ASTN1: variants seen among roughly 807,000 people sequenced by gnomAD.
ASTN1 encodes the protein astrotactin 1.
In ASTN1, 41 loss-of-function variants were observed where a neutral mutation model predicts 140.7. The observed-to-expected ratio is 0.29, with a 90% CI of 0.23 to 0.38. The LOEUF is 0.38. ASTN1 is among the 10% of genes least tolerant of loss of function. ASTN1 has a pLI of 1.00. For synonymous variants in ASTN1, 640 were observed against 652.2 expected, an observed-to-expected ratio of 0.98 and a Z score of 0.29; for missense variants, 1,479 against 1,678.8, an observed-to-expected ratio of 0.88 and a Z score of 2.08.
intron 8 of ASTN1, among the ~76,000 whole-genome samples, chr1:176,999,209 T>C (rs1674601677): frequency 6.6e-6 from 1 of 152,130 alleles, no homozygotes; most frequent in Non-Finnish European, 1.5e-5. Flanking sequence ...TCTCAACAGC[T>C]TTGCCTTCTC....
At position 177,032,421 on chromosome 1, in the gene ASTN1, G is replaced by A. The variant is rs774960290; in HGVS notation, c.865+35C>T. On this transcript the variant is annotated intron_variant, in intron 3 of 22. Transcript: ENST00000361833. The stretch of plus-strand genomic sequence containing the variant: ...CACTCCCCAGCTCCTTGAGATGAAG[G>A]ACCAAACAGCCCCTTGCCTTTCTCC... 10 of 1,594,560 alleles carry A rather than the reference G, an allele frequency of 6.3e-6. No individual in the cohort carries two copies. The African/African-American group carries it at 1.2e-4, about 19-fold the overall frequency.
At chr1:177,056,174 C>A (rs984769688) in intron 2 of ASTN1, among the ~76,000 whole-genome samples, 6 of 152,186 alleles carry the variant, frequency 3.9e-5, no homozygotes, top group Non-Finnish European at 1.5e-5. Flanking sequence ...CCATAGGTGT[C>A]TTCTGTGGGT....
At chr1:176,985,670 G>T (rs1158277229) in intron 8 of ASTN1, among the ~76,000 whole-genome samples, 1 of 152,044 alleles carries the variant, frequency 6.6e-6, no homozygotes, top group Non-Finnish European at 1.5e-5. Flanking sequence ...TCTGCCCAAA[G>T]CTCCAGTCCC....
At chr1:176,915,810 T>A (rs545186191) in intron 16 of ASTN1, among the ~76,000 whole-genome samples, 11 of 152,318 alleles carry the variant, frequency 7.2e-5, no homozygotes, top group African/African-American at 2.6e-4. Flanking sequence ...GGAATTGACA[T>A]GCACCAGGCT....
intron 16 of ASTN1, among the ~76,000 whole-genome samples, chr1:176,909,500 T>C (rs1670138443): frequency 6.6e-6 from 1 of 152,198 alleles, no homozygotes; most frequent in African/African-American, 2.4e-5. Context: ...AAAAAGATGC[T>C]GCTGATCATC....
intron 12 of ASTN1, among the ~76,000 whole-genome samples, 156 bp from the exon 13 acceptor site, chr1:176,946,276 G>GT (rs1207834171): frequency 2.0e-5 from 3 of 152,152 alleles, no homozygotes; most frequent in Non-Finnish European, 2.9e-5. Context: ...TTGACTCATT[G>GT]TTTTTTTAAG....
At chr1:177,046,925 C>G (rs1447575114) in intron 2 of ASTN1, among the ~76,000 whole-genome samples, 1 of 152,160 alleles carries the variant, frequency 6.6e-6, no homozygotes, top group Non-Finnish European at 1.5e-5. Context: ...TGCCACTGAC[C>G]AGCCATTCAG....
Position 177,109,427 on chromosome 1 carries a change from C to T in ASTN1, c.284-48162G>A, listed in dbSNP as rs75022447. On this transcript the variant is annotated intron_variant, in intron 1 of 22. Coordinates refer to ENST00000361833, the MANE Select transcript of ASTN1 (RefSeq NM_004319.3). The stretch of plus-strand genomic sequence containing the variant: ...AAGGGAGAGAAATCACACTTACACA[C>T]ACACACACATACAGAGAGAGAGAGA... 4.3e-3 allele frequency among the ~76,000 whole-genome samples: 653 copies of T among 152,232 alleles called. 4 individuals are homozygous for T. Among genetic ancestry groups the T allele is most frequent in the African/African-American group, 0.015 (637 of 41,556 alleles).
intron 20 of ASTN1, among the ~76,000 whole-genome samples, chr1:176,880,494 A>G (rs1017745733): frequency 7.2e-5 from 11 of 152,036 alleles, no homozygotes; most frequent in Non-Finnish European, 1.6e-4. Flanking sequence ...TCACCTCCCT[A>G]CCCTGGCCTC....
chr1:177,001,844 T>C (rs1306407891), intron 8 of ASTN1, among the ~76,000 whole-genome samples: 1 of 152,194 alleles, frequency 6.6e-6, no homozygotes, highest in East Asian at 1.9e-4. Flanking sequence ...AGGTTTTTCC[T>C]AGTGTAGAAT....
At chr1:177,014,270 A>G (rs1675434712) in intron 8 of ASTN1, among the ~76,000 whole-genome samples, 1 of 152,224 alleles carries the variant, frequency 6.6e-6, no homozygotes, top group Non-Finnish European at 1.5e-5. Context: ...AGGGGAAAAC[A>G]AAAGTCTCAT....
chr1:177,104,227 C>A (rs994570734), intron 1 of ASTN1, among the ~76,000 whole-genome samples: 2 of 152,132 alleles, frequency 1.3e-5, no homozygotes, highest in African/African-American at 4.8e-5. Context: ...AGGTTACAGC[C>A]CCCTTGAAAG....
In ASTN1 at chr1:176,929,130, G is replaced by A. The variant is rs936354298; in HGVS notation, c.2671+5022C>T. 2.6e-5 allele frequency among the ~76,000 whole-genome samples: 4 copies of A among 152,230 alleles called. No homozygotes were observed. In the South Asian group the frequency reaches 8.3e-4, roughly 32 times the overall value. Reference sequence around the variant, plus strand: ...TGGAGGGTACTTGGGGTAGGTAGCAGTCAGTGATGCAGTGGCTGGAGAGGT... The same window carrying A: ...TGGAGGGTACTTGGGGTAGGTAGCAATCAGTGATGCAGTGGCTGGAGAGGT... On this transcript the variant is annotated intron_variant, in intron 16 of 22. Transcript: ENST00000361833.
intron 1 of ASTN1, among the ~76,000 whole-genome samples, chr1:177,084,230 T>A (rs1223389857): frequency 6.6e-6 from 1 of 152,144 alleles, no homozygotes. Flanking sequence ...CAGTTCGGAC[T>A]TGGGAGGAAA....
intron 1 of ASTN1, among the ~76,000 whole-genome samples, chr1:177,117,361 C>T (rs747693583): frequency 2.0e-5 from 3 of 152,166 alleles, no homozygotes; most frequent in Non-Finnish European, 4.4e-5. Flanking sequence ...TGAAACCCTT[C>T]CAGTTCCCTA....
intron 1 of ASTN1, among the ~76,000 whole-genome samples, chr1:177,078,239 A>T (rs1022042355): frequency 7.2e-5 from 11 of 152,156 alleles, no homozygotes; most frequent in Non-Finnish European, 1.5e-5. Context: ...GCTGTCCTGG[A>T]TCCAGGTCCA....
intron 1 of ASTN1, among the ~76,000 whole-genome samples, chr1:177,100,974 T>A (rs1243692868): frequency 6.6e-6 from 1 of 152,050 alleles, no homozygotes; most frequent in Non-Finnish European, 1.5e-5. Flanking sequence ...ATGCCTGTAA[T>A]CCCCTCTACT....
At chr1:176,925,819 T>C (rs60657383) in intron 16 of ASTN1, among the ~76,000 whole-genome samples, 156 of 151,908 alleles carry the variant, frequency 1.0e-3, no homozygotes, top group African/African-American at 3.6e-3. Flanking sequence ...ATTCTTTTTT[T>C]TTTTTTTGAG....
At chr1:177,136,250 G>T (rs1161626601) in intron 1 of ASTN1, among the ~76,000 whole-genome samples, 1 of 152,100 alleles carries the variant, frequency 6.6e-6, no homozygotes, top group Non-Finnish European at 1.5e-5. Flanking sequence ...AGGGTCTTCA[G>T]TCTTACTGCA....
Sources: allele counts gnomAD v4.1 joint callset (sites outside exome capture counted in the v4.1 genomes callset), GRCh38; gene constraint gnomAD v4.1.1; transcripts MANE v1.5; gene names NCBI Gene and HGNC (gene_info 2026-07-23, HGNC 2026-07-21).